IFT74: variants seen among roughly 807,000 people sequenced by gnomAD.
IFT74 encodes the protein intraflagellar transport 74.
In IFT74, 92 loss-of-function variants were observed where a neutral mutation model predicts 96.7. The observed-to-expected ratio is 0.95, with a 90% CI of 0.80 to 1.13. IFT74 has a LOEUF of 1.13. Ranked by LOEUF, IFT74 falls within the 50% of genes most tolerant of loss-of-function variation. The pLI, the probability that IFT74 is intolerant of heterozygous loss-of-function variation, is 0.00. For synonymous variants in IFT74, 223 were observed against 213.2 expected (o/e 1.05, Z -0.40); for missense variants, 811 against 698.2 (o/e 1.16, Z -1.82).
At chr9:26,999,957 G>A (rs539365138) in intron 8 of IFT74, among the ~76,000 whole-genome samples, 10 of 151,924 alleles carry the variant, frequency 6.6e-5, no homozygotes, top group Admixed American at 6.6e-4. Flanking sequence ...TTTTTGTAGA[G>A]ATGGGGTCAC....
chr9:27,025,443 CAAAAAAAAAAA>C (rs57335230), intron 12 of IFT74, among the ~76,000 whole-genome samples: 2 of 77,724 alleles, frequency 2.6e-5, no homozygotes, highest in African/African-American at 5.2e-5. Context: ...ACTCCATCTC[CAAAAAAAAAAA>C]AAAAAAAAAG....
chr9:27,007,209 G>A (rs1023554326), intron 8 of IFT74, among the ~76,000 whole-genome samples: 1 of 152,104 alleles, frequency 6.6e-6, no homozygotes, highest in Non-Finnish European at 1.5e-5. Flanking sequence ...AGTACTCAAA[G>A]CATCAAAAAG....
intron 12 of IFT74, among the ~76,000 whole-genome samples, chr9:27,025,429 T>C (rs10812514): frequency 0.13 from 16,384 of 122,454 alleles, 2,078 homozygotes; most frequent in East Asian, 0.68. Flanking sequence ...GGTGACAGAG[T>C]GAGACTCCAT....
chr9:26,990,920 C>A (rs956911399), intron 8 of IFT74, among the ~76,000 whole-genome samples: 3 of 152,046 alleles, frequency 2.0e-5, no homozygotes, highest in African/African-American at 7.2e-5. Flanking sequence ...TAATTTAGAA[C>A]CAACACAAAT....
intron 13 of IFT74, among the ~76,000 whole-genome samples, chr9:27,038,070 AC>A (rs1281862747): frequency 6.6e-6 from 1 of 152,212 alleles, no homozygotes; most frequent in Non-Finnish European, 1.5e-5. Flanking sequence ...CTTGATGCTA[AC>A]CTTGACTACA....
intron 18 of IFT74, among the ~76,000 whole-genome samples, chr9:27,058,613 C>G (rs2131709623): frequency 6.6e-6 from 1 of 152,278 alleles, no homozygotes; most frequent in African/African-American, 2.4e-5. Flanking sequence ...GTCTCGAACT[C>G]CTGACCTTAG....
At chr9:26,972,147 G>T (rs1014934373) in intron 2 of IFT74, among the ~76,000 whole-genome samples, 2 of 152,202 alleles carry the variant, frequency 1.3e-5, no homozygotes, top group African/African-American at 4.8e-5. Context: ...TAGATCCCCT[G>T]TTAAGAAACT....
At chr9:26,987,362 T>C (rs1000359871) in intron 6 of IFT74, among the ~76,000 whole-genome samples, 2 of 152,150 alleles carry the variant, frequency 1.3e-5, no homozygotes, top group African/African-American at 4.8e-5. Context: ...AGTGTGGGGA[T>C]TGCAGGCATG....
chr9:26,980,738 G>T, intron 4 of IFT74, 119 bp downstream of exon 4: 1 of 603,534 alleles, frequency 1.7e-6, no homozygotes, highest in Non-Finnish European at 2.9e-6. Flanking sequence ...AGGATAATTA[G>T]GTATCTATTG....
intron 4 of IFT74, chr9:26,982,332 C>T (rs759966179): frequency 8.8e-5 from 39 of 441,490 alleles, no homozygotes; most frequent in Middle Eastern, 8.5e-4. Flanking sequence ...GATGGGATCT[C>T]ACGTCACTGC....
chr9:27,024,989 G>A lies in IFT74; in HGVS notation c.975-4036G>A, dbSNP rs373975100. Among the ~76,000 whole-genome samples the A allele has an allele frequency of 2.8e-3, 400 of 143,234 alleles. 4 individuals are homozygous for A. Among genetic ancestry groups the A allele is most frequent in the African/African-American group, 9.6e-3 (370 of 38,604 alleles). 94.0% of individuals were successfully genotyped at this position (143,234 alleles called of 152,430 possible). On this transcript the variant is annotated intron_variant, in intron 12 of 19. Coordinates refer to ENST00000380062, the MANE Select transcript of IFT74 (RefSeq NM_025103.4). ...AAAAAAGAATTAAAAAAAAAAAAAAGCACAAAGGCTCCAAACAGTTTGAGA... is the reference window on the plus strand; with the variant it reads ...AAAAAAGAATTAAAAAAAAAAAAAAACACAAAGGCTCCAAACAGTTTGAGA...
Position 26,984,280 on chromosome 9 carries a change from C to T in IFT74, c.329C>T (p.Thr110Ile), listed in dbSNP as rs763208160. ...AGAAGTAAAATAAGTGAACTTACAA[C>T]TGAAGTTAATAAACTTCAGAAGGGA... ...LLRSKISELT[T>I]EVNKLQKGIE... is the part of the protein sequence containing the mutation. The change falls in exon 5 of 20, where the codon ACT (threonine) becomes ATT (isoleucine). Residue 110 changes from threonine to isoleucine, a missense_variant. Thr to Ile is a moderately conservative substitution (Grantham distance 89). Coordinates refer to ENST00000380062, the MANE Select transcript of IFT74 (RefSeq NM_025103.4). 6.4e-7 allele frequency: 1 copy of T among 1,567,448 alleles called. No homozygotes were observed. Among genetic ancestry groups the T allele is most frequent in the Admixed American group, 1.9e-5 (1 of 51,466 alleles).
chr9:26,982,672 C>G (rs1827439072), intron 4 of IFT74, among the ~76,000 whole-genome samples: 1 of 152,014 alleles, frequency 6.6e-6, no homozygotes, highest in South Asian at 2.1e-4. Flanking sequence ...TCAGGCTGGT[C>G]TCGAACTCCC....
intron 10 of IFT74, among the ~76,000 whole-genome samples, chr9:27,013,660 CTA>C (rs1340172818): frequency 6.6e-6 from 1 of 152,104 alleles, no homozygotes; most frequent in East Asian, 1.9e-4. Context: ...AGTTGAGTAT[CTA>C]TTTATATCAT....
intron 12 of IFT74, among the ~76,000 whole-genome samples, chr9:27,027,242 T>C (rs74597809): frequency 0.084 from 12,821 of 151,914 alleles, 829 homozygotes; most frequent in African/African-American, 0.18. Context: ...CCTGGAAATA[T>C]ACAATCCTAG....
chr9:27,007,856 G>T (rs560922273), intron 8 of IFT74, among the ~76,000 whole-genome samples: 1 of 152,314 alleles, frequency 6.6e-6, no homozygotes, highest in Admixed American at 6.5e-5. Context: ...GTTCAATCCA[G>T]CTTTTTATAA....
At chr9:27,013,568 T>C (rs1202161849) in intron 10 of IFT74, among the ~76,000 whole-genome samples, 1 of 152,226 alleles carries the variant, frequency 6.6e-6, no homozygotes, top group Non-Finnish European at 1.5e-5. Flanking sequence ...TGACAGCAAA[T>C]ATTATCTGAC....
At position 26,984,570 on chromosome 9, in the gene IFT74, T is replaced by G. The variant is rs762447662; in HGVS notation, c.465+11T>G. The G allele has an allele frequency of 2.3e-5, 37 of 1,593,584 alleles. No homozygotes were observed. Among genetic ancestry groups the G allele is most frequent in the Non-Finnish European group, 3.1e-5 (36 of 1,164,104 alleles). On this transcript the variant is annotated intron_variant, in intron 6 of 19. Transcript: ENST00000380062. The stretch of plus-strand genomic sequence containing the variant: ...GCAGACTACAACATGGTATTTTATC[T>G]TTTCTAAGAGAATTTACTGTTAATA...
At chr9:26,983,573 A>G (rs547346291) in intron 4 of IFT74, among the ~76,000 whole-genome samples, 3 of 152,242 alleles carry the variant, frequency 2.0e-5, no homozygotes, top group East Asian at 1.9e-4. Context: ...CCAAAATGTC[A>G]TTAGTGCTAC....
Sources: gnomAD v4.1 joint callset for allele counts (sites outside exome capture counted in the v4.1 genomes callset) on GRCh38, gnomAD v4.1.1 for gene constraint, MANE v1.5 for transcripts, NCBI Gene and HGNC (gene_info 2026-07-23, HGNC 2026-07-21) for gene names.